Variants in KLRG1 observed in about 807,000 individuals in gnomAD.
The protein encoded by KLRG1 is killer cell lectin like receptor G1.
Under a neutral mutation model 21.8 loss-of-function variants are expected in KLRG1, and 16 were observed. The ratio of observed to expected loss-of-function variants is 0.73; its 90% CI spans 0.50 to 1.11. The LOEUF (loss-of-function observed/expected upper bound fraction) is 1.11, where lower values mean the gene tolerates loss of function less well. KLRG1 is among the 50% of genes most tolerant of loss of function. KLRG1 has a pLI of 0.00. For synonymous variants in KLRG1, 69 were observed against 75.9 expected, an observed-to-expected ratio of 0.91 and a Z score of 0.47; for missense variants, 173 against 218.3, an observed-to-expected ratio of 0.79 and a Z score of 1.31.
chr12:9,068,266 T>G, the KLRG1 span: 1 of 1,588,272 alleles, frequency 6.3e-7, no homozygotes, highest in East Asian at 2.2e-5. Context: ...AATCATTACA[T>G]GAAGTGAGAA....
the KLRG1 span, chr12:9,112,139 G>C: frequency 6.2e-7 from 1 of 1,612,408 alleles, no homozygotes; most frequent in Non-Finnish European, 8.5e-7. Context: ...ATCATTTTAT[G>C]TAGATAATAG....
intron 1 of KLRG1, among the ~76,000 whole-genome samples, chr12:8,969,367 C>CTGT (rs1380857463): frequency 6.6e-6 from 1 of 152,152 alleles, no homozygotes; most frequent in African/African-American, 2.4e-5. Context: ...GGCTCCCAGG[C>CTGT]TGTTGCTCAG....
chr12:9,182,500 A>G, the KLRG1 span, among the ~76,000 whole-genome samples: 28 of 152,192 alleles, frequency 1.8e-4, no homozygotes, highest in Non-Finnish European at 3.5e-4. Context: ...AATTTGTAAG[A>G]TATAATAAGT....
At chr12:9,109,358 T>C in the KLRG1 span, 1 of 1,613,516 alleles carries the variant, frequency 6.2e-7, no homozygotes, top group Non-Finnish European at 8.5e-7. Context: ...TCTTCCAAGA[T>C]GGTGATTATC....
the KLRG1 span, among the ~76,000 whole-genome samples, chr12:9,170,920 C>T: frequency 2.6e-5 from 4 of 152,206 alleles, no homozygotes; most frequent in Non-Finnish European, 5.9e-5. This position sits in a 1 kb window ranked among gnomAD's most constrained non-coding sequence, Gnocchi z 4.6. Context: ...CCACTCCAAC[C>T]TGCTGGCTTT....
the KLRG1 span, chr12:9,202,683 A>C: frequency 6.2e-7 from 1 of 1,612,806 alleles, no homozygotes; most frequent in South Asian, 1.1e-5. Flanking sequence ...GATCCTTGGG[A>C]GCTAAAAAGC....
chr12:9,093,641 T>C, the KLRG1 span: 2 of 807,546 alleles, frequency 2.5e-6, no homozygotes, highest in Non-Finnish European at 3.5e-6. Context: ...TGAGAGAATG[T>C]AATAGTTGCC....
the KLRG1 span, among the ~76,000 whole-genome samples, chr12:9,184,404 A>C: frequency 6.6e-6 from 1 of 152,082 alleles, no homozygotes; most frequent in African/African-American, 2.4e-5. Flanking sequence ...CCAGTGCCCC[A>C]CCCCCATGCT....
chr12:9,074,684 T>A, the KLRG1 span: 1 of 1,613,806 alleles, frequency 6.2e-7, no homozygotes, highest in Non-Finnish European at 8.5e-7. Flanking sequence ...GAGGAGCACA[T>A]AGGATGTCAT....
At chr12:9,104,122 T>C in the KLRG1 span, 1 of 1,022,800 alleles carries the variant, frequency 9.8e-7, no homozygotes, top group South Asian at 1.7e-5. Flanking sequence ...CGGTTTCTAA[T>C]TGCTAGTTTT....
At chr12:9,160,018 C>G in the KLRG1 span, 1 of 1,613,498 alleles carries the variant, frequency 6.2e-7, no homozygotes, top group Non-Finnish European at 8.5e-7. Flanking sequence ...TCAGCTGTCT[C>G]TGGTAACCTG....
At chr12:9,071,433 T>A in the KLRG1 span, among the ~76,000 whole-genome samples, 54,882 of 151,422 alleles carry the variant, frequency 0.36, 9,960 homozygotes, top group Non-Finnish European at 0.37. Context: ...ATGAAAAAAA[T>A]ATATATATAT....
Position 8,962,080 on chromosome 12 carries a change from C to T in KLRG1, c.-156+11844C>T, listed in dbSNP as rs781041756. On this transcript the variant is annotated intron_variant, in intron 1 of 4. Transcript: ENST00000539240. The stretch of plus-strand genomic sequence containing the variant: ...CAGCCTATGCAACAGAGTGAGACCC[C>T]GTCTCTTGCCAGGCTTGCTAAGAAG... Among the ~76,000 whole-genome samples, 59 of 151,834 alleles carry T rather than the reference C, an allele frequency of 3.9e-4. 1 individual carries two copies. The highest frequency in any genetic ancestry group is 1.3e-3 in the African/African-American group (53 of 41,390).
chr12:9,099,622 A>G, the KLRG1 span: 43 of 1,377,102 alleles, frequency 3.1e-5, no homozygotes, highest in Middle Eastern at 1.9e-4. Flanking sequence ...TAACAAATGG[A>G]TGATTACCTC....
At chr12:9,209,286 A>G in the KLRG1 span, among the ~76,000 whole-genome samples, 1 of 152,088 alleles carries the variant, frequency 6.6e-6, no homozygotes, top group African/African-American at 2.4e-5. Context: ...TCCATATTTC[A>G]GCCTAATCAT....
At chr12:9,203,948 C>T in the KLRG1 span, 3 of 1,608,128 alleles carry the variant, frequency 1.9e-6, no homozygotes, top group Non-Finnish European at 1.7e-6. Flanking sequence ...GCACCATATA[C>T]TGCCTGGGAA....
chr12:9,169,248 C>A, the KLRG1 span, among the ~76,000 whole-genome samples: 1 of 151,998 alleles, frequency 6.6e-6, no homozygotes, highest in Non-Finnish European at 1.5e-5. Context: ...AGCCCTGACT[C>A]ACATACTGAG....
the KLRG1 span, among the ~76,000 whole-genome samples, chr12:9,082,338 C>T: frequency 6.6e-6 from 1 of 152,290 alleles, no homozygotes; most frequent in South Asian, 2.1e-4. Flanking sequence ...TTGTGACTGG[C>T]CTGACCAGAG....
At chr12:9,009,237 C>CAAAAAAA (rs112576720) in intron 4 of KLRG1, among the ~76,000 whole-genome samples, 162 bp downstream of exon 4, 9 of 107,870 alleles carry the variant, frequency 8.3e-5, no homozygotes, top group African/African-American at 3.1e-4. Flanking sequence ...TGGGTAAGGG[C>CAAAAAAA]AAAAAAAAAA....
Sources: allele counts gnomAD v4.1 joint callset (sites outside exome capture counted in the v4.1 genomes callset), GRCh38; gene constraint gnomAD v4.1.1; non-coding constraint Gnocchi (gnomAD v3.1); transcripts MANE v1.5; gene names NCBI Gene and HGNC (gene_info 2026-07-23, HGNC 2026-07-21).